Variants in RNF144B observed in about 807,000 individuals in gnomAD.
RNF144B encodes E3 ubiquitin-protein ligase RNF144B.
Under a neutral mutation model 40.2 loss-of-function variants are expected in RNF144B, and 25 were observed. That is an observed-to-expected ratio of 0.62 (90% CI 0.45 to 0.87). The LOEUF (loss-of-function observed/expected upper bound fraction) is 0.87. Among genes scored for constraint, RNF144B ranks in the 40% least tolerant of loss-of-function variants. The probability of loss-of-function intolerance (pLI) is 0.00; values close to 1 mark genes in which losing one functional copy is unlikely to be tolerated. For missense variants in RNF144B, 365 were observed against 373.7 expected, an observed-to-expected ratio of 0.98 and a Z score of 0.19; for synonymous variants, 145 against 136.3, an observed-to-expected ratio of 1.06 and a Z score of -0.44.
chr6:18,455,946 G>T (rs569371489), intron 4 of RNF144B, among the ~76,000 whole-genome samples: 1 of 151,290 alleles, frequency 6.6e-6, no homozygotes, highest in African/African-American at 2.4e-5. Context: ...TTTTTGAGAC[G>T]GAGTCTTGCT....
chr6:18,420,717 A>G (rs1795241845), intron 2 of RNF144B, among the ~76,000 whole-genome samples: 1 of 152,034 alleles, frequency 6.6e-6, no homozygotes, highest in Non-Finnish European at 1.5e-5. Context: ...AGGCAATACC[A>G]CCAGCCTCAC....
rs1022097339 is a variant in RNF144B, at chr6:18,412,300, A to G, written c.165+12601A>G. Among the ~76,000 whole-genome samples the G allele has an allele frequency of 6.6e-6, 1 of 152,200 alleles. No homozygotes were observed. The highest frequency in any genetic ancestry group is 1.5e-5 in the Non-Finnish European group (1 of 68,040). ...CTGTAATCTGGTATGTGAAAAGAAC[A>G]TATCTCATGGTTTAATCCATACTTC... On this transcript the variant is annotated intron_variant, in intron 2 of 7. Transcript: ENST00000259939. The surrounding 1 kb of genome is among the most constrained non-coding windows in gnomAD (Gnocchi z 4.2).
Position 18,465,505 on chromosome 6 carries a change from A to G in RNF144B, c.*438A>G, listed in dbSNP as rs1582453857. On this transcript the variant is annotated 3_prime_UTR_variant, in exon 8 of 8. Transcript: ENST00000259939. ...CCATGAGAAACACAGGGGAAACCTGATGAGGAGAAGGATAAGACTGCGTAA... is the reference window on the plus strand; with the variant it reads ...CCATGAGAAACACAGGGGAAACCTGGTGAGGAGAAGGATAAGACTGCGTAA... The G allele has an allele frequency of 6.2e-6, 1 of 160,034 alleles. No homozygotes were observed. Among genetic ancestry groups the G allele is most frequent in the Non-Finnish European group, 1.4e-5 (1 of 73,240 alleles). 9.9% of individuals were successfully genotyped at this position (160,034 alleles called of 1,614,324 possible). A position where few individuals can be genotyped will look rare whatever the true frequency, so the allele number is the denominator to read the frequency against.
intron 4 of RNF144B, among the ~76,000 whole-genome samples, chr6:18,440,480 C>G (rs1758934061): frequency 6.6e-6 from 1 of 152,006 alleles, no homozygotes; most frequent in African/African-American, 2.4e-5. Context: ...AAACTTGAAT[C>G]TAGCCTGAAC....
intron 1 of RNF144B, among the ~76,000 whole-genome samples, chr6:18,391,729 G>T (rs1258802568): frequency 6.6e-6 from 1 of 151,170 alleles, no homozygotes; most frequent in African/African-American, 2.4e-5. Flanking sequence ...TTAGCCAAGC[G>T]TGGTGGTGGG....
At chr6:18,432,190 C>T (rs924327744) in intron 3 of RNF144B, among the ~76,000 whole-genome samples, 4 of 152,130 alleles carry the variant, frequency 2.6e-5, no homozygotes, top group African/African-American at 4.8e-5. Context: ...TTTAGTACTA[C>T]CCCATTTTAT....
At chr6:18,427,515 T>C (rs559121932) in intron 2 of RNF144B, 66 bp from the exon 3 acceptor site, 3 of 1,046,486 alleles carry the variant, frequency 2.9e-6, no homozygotes, top group South Asian at 2.7e-5. Context: ...CAGTGGTGGT[T>C]CTGTTATGTA....
At position 18,457,694 on chromosome 6, in the gene RNF144B, G is replaced by A. The variant is rs1374309467; in HGVS notation, c.536+335G>A. 6.6e-6 allele frequency among the ~76,000 whole-genome samples: 1 copy of A among 151,974 alleles called. No individual in the cohort carries two copies. Among genetic ancestry groups the A allele is most frequent in the African/African-American group, 2.4e-5 (1 of 41,326 alleles). ...CTCAGATACAGTATCTGCCTGTATT[G>A]GTATATATCATTCTTGTTGCTTGCA... On this transcript the variant is annotated intron_variant, in intron 5 of 7. Transcript: ENST00000259939. This position sits in a 1 kb window ranked among gnomAD's most constrained non-coding sequence, Gnocchi z 5.1.
In RNF144B at chr6:18,410,994, CT is replaced by C. The variant is rs58598090; in HGVS notation, c.165+11304del. Among the ~76,000 whole-genome samples, 1 of 147,846 alleles carries C rather than the reference CT, an allele frequency of 6.8e-6. No homozygotes were observed. The highest frequency in any genetic ancestry group is 2.5e-5 in the African/African-American group (1 of 39,946). The stretch of plus-strand genomic sequence containing the variant: ...TTCTTTTTTTTTCTTCTTTTCTTTT[CT>C]TTTTTTTTGAGACGGAGTCTCATTC... On this transcript the variant is annotated intron_variant, in intron 2 of 7. Coordinates refer to ENST00000259939, the MANE Select transcript of RNF144B (RefSeq NM_182757.4). This position sits in a 1 kb window ranked among gnomAD's most constrained non-coding sequence, Gnocchi z 4.6.
Position 18,449,745 on chromosome 6 carries a change from G to A in RNF144B, c.332-7410G>A, listed in dbSNP as rs935109113. On this transcript the variant is annotated intron_variant, in intron 4 of 7. Coordinates refer to ENST00000259939, the MANE Select transcript of RNF144B (RefSeq NM_182757.4). ...GGATATAACTAAAATTAACATATGC[G>A]TTATCTATCTTATGTAGTCATTGTT... Among the ~76,000 whole-genome samples the A allele has an allele frequency of 6.6e-5, 10 of 151,354 alleles. No individual in the cohort carries two copies. The Middle Eastern group carries it at 0.01, about 157-fold the overall frequency.
chr6:18,399,878 T>A (rs1353767595), intron 2 of RNF144B, among the ~76,000 whole-genome samples, 179 bp downstream of exon 2: 1 of 152,208 alleles, frequency 6.6e-6, no homozygotes, highest in Non-Finnish European at 1.5e-5. Context: ...ATCCTGGGTT[T>A]ACTTGTTTTA....
chr6:18,387,675 G>A (rs1794484811), intron 1 of RNF144B, 45 bp downstream of exon 1: 3 of 1,275,984 alleles, frequency 2.4e-6, no homozygotes, highest in South Asian at 1.2e-5. Context: ...TTGCAAGACC[G>A]GAATGGTGTT....
intron 3 of RNF144B, among the ~76,000 whole-genome samples, chr6:18,428,461 A>G (rs1003652972): frequency 6.6e-6 from 1 of 152,082 alleles, no homozygotes; most frequent in Admixed American, 6.6e-5. Flanking sequence ...AGACCTTTCA[A>G]TTGATCTGTA....
In RNF144B at chr6:18,459,863, GGAATTTATTTTTCTTAATGA is replaced by G; in HGVS notation, c.681+115_681+134del. 1 of 994,784 alleles carries G rather than the reference GGAATTTATTTTTCTTAATGA, an allele frequency of 1.0e-6. No homozygotes were observed. Among genetic ancestry groups the G allele is most frequent in the Admixed American group, 2.4e-5 (1 of 41,110 alleles). The allele number at this position is 994,784 out of a possible 1,614,324, so 61.6% of individuals were successfully genotyped here. A position where few individuals can be genotyped will look rare whatever the true frequency, so the allele number is the denominator to read the frequency against. Reference sequence around the variant, plus strand: ...TTGGGGCAATTTTTGTCCTGCAAAAGGAATTTATTTTTCTTAATGAGACTTACTAAGCCTGATACTTTAGA... The same window carrying G: ...TTGGGGCAATTTTTGTCCTGCAAAAGGACTTACTAAGCCTGATACTTTAGA... On this transcript the variant is annotated intron_variant, in intron 6 of 7. Coordinates refer to ENST00000259939, the MANE Select transcript of RNF144B (RefSeq NM_182757.4). This position sits in a 1 kb window ranked among gnomAD's most constrained non-coding sequence, Gnocchi z 4.2.
chr6:18,431,797 C>T (rs1758701187), intron 3 of RNF144B, among the ~76,000 whole-genome samples: 1 of 152,204 alleles, frequency 6.6e-6, no homozygotes, highest in East Asian at 1.9e-4. Flanking sequence ...GCTCTTTCCT[C>T]TGAGTGCTTC....
intron 3 of RNF144B, among the ~76,000 whole-genome samples, chr6:18,431,425 A>G (rs751703251): frequency 2.0e-5 from 3 of 152,148 alleles, no homozygotes; most frequent in Admixed American, 6.5e-5. Context: ...TACCACACAC[A>G]TGAATTGGAC....
Position 18,412,741 on chromosome 6 carries a change from T to G in RNF144B, c.165+13042T>G, listed in dbSNP as rs534556846. Among the ~76,000 whole-genome samples the G allele has an allele frequency of 3.1e-4, 47 of 152,304 alleles. No individual in the cohort carries two copies. The highest frequency in any genetic ancestry group is 6.8e-3 in the Middle Eastern group (2 of 294). On this transcript the variant is annotated intron_variant, in intron 2 of 7. Coordinates refer to ENST00000259939, the MANE Select transcript of RNF144B (RefSeq NM_182757.4). This position sits in a 1 kb window ranked among gnomAD's most constrained non-coding sequence, Gnocchi z 4.2. ...AAGGCTTATCTATGTGGATTCCAGA[T>G]ATGCAGTGTACCCCTTGGAATCAGG...
At chr6:18,428,756 A>G (rs955345381) in intron 3 of RNF144B, among the ~76,000 whole-genome samples, 1 of 152,178 alleles carries the variant, frequency 6.6e-6, no homozygotes, top group African/African-American at 2.4e-5. Context: ...AACAGACCTC[A>G]TGAAATTGGG....
rs1759144017 is a variant in RNF144B, at chr6:18,448,868, A to G, written c.332-8287A>G. Among the ~76,000 whole-genome samples the G allele has an allele frequency of 2.0e-5, 3 of 152,188 alleles. No homozygotes were observed. On this transcript the variant is annotated intron_variant, in intron 4 of 7. Coordinates refer to ENST00000259939, the MANE Select transcript of RNF144B (RefSeq NM_182757.4). The surrounding 1 kb of genome is among the most constrained non-coding windows in gnomAD (Gnocchi z 4.0). ...TTGTTTGAAAAGCATCATGATAAAG[A>G]ATATAGATTTGTTTGTCCCTTTCAA...
Sources: gnomAD v4.1 joint callset for allele counts (sites outside exome capture counted in the v4.1 genomes callset) on GRCh38, gnomAD v4.1.1 for gene constraint, Gnocchi (gnomAD v3.1) non-coding constraint, MANE v1.5 for transcripts, NCBI Gene and HGNC (gene_info 2026-07-23, HGNC 2026-07-21) for gene names.